CNTN1: variants seen among roughly 807,000 people sequenced by gnomAD.
CNTN1 encodes the protein contactin-1.
A neutral mutation model predicts 126.4 loss-of-function variants in CNTN1; 38 were observed. That is an observed-to-expected ratio of 0.30 (90% confidence interval 0.23 to 0.39). CNTN1 has a LOEUF of 0.39. Ranked by LOEUF, CNTN1 falls within the 10% of genes least tolerant of loss-of-function variation. The pLI is 1.00. For missense variants in CNTN1, 1,009 were observed against 1,248.4 expected, an observed-to-expected ratio of 0.81 and a Z score of 2.89; for synonymous variants, 413 against 422.6, an observed-to-expected ratio of 0.98 and a Z score of 0.28.
intron 1 of CNTN1, among the ~76,000 whole-genome samples, chr12:40,732,867 C>T (rs1942533810): frequency 6.6e-6 from 1 of 152,054 alleles, no homozygotes; most frequent in Admixed American, 6.6e-5. Context: ...ATTTTGCCTA[C>T]ATAATATTAA....
chr12:40,737,055 A>G (rs1014453086), intron 1 of CNTN1, among the ~76,000 whole-genome samples: 37 of 152,132 alleles, frequency 2.4e-4, no homozygotes, highest in South Asian at 1.0e-3. Context: ...ACCAATTGCT[A>G]AAGAAAAAAA....
At chr12:41,032,129 A>G (rs527902323) in intron 23 of CNTN1, among the ~76,000 whole-genome samples, 1 of 152,310 alleles carries the variant, frequency 6.6e-6, no homozygotes, top group South Asian at 2.1e-4. Flanking sequence ...ATATTTCCAC[A>G]TCTCTGCCTG....
At chr12:40,816,407 A>AT (rs916126666) in intron 1 of CNTN1, among the ~76,000 whole-genome samples, 9 of 151,906 alleles carry the variant, frequency 5.9e-5, no homozygotes, top group Admixed American at 5.2e-4. Context: ...GAATTTATCC[A>AT]TTTTTTCTAG....
rs184239968 is a variant in CNTN1 at position 41,051,014 on chromosome 12, T to G, written c.2981-18945T>G. On this transcript the variant is annotated intron_variant, in intron 23 of 23. Transcript: ENST00000551295. The stretch of plus-strand genomic sequence containing the variant: ...ACTTTCACTTAGTTGGAGGCCATGT[T>G]GGCCCTATTGAGAATGCATGCTCGG... Among the ~76,000 whole-genome samples the G allele has an allele frequency of 3.4e-3, 517 of 152,298 alleles. 2 individuals carry two copies. Among genetic ancestry groups the G allele is most frequent in the African/African-American group, 0.012 (481 of 41,554 alleles).
intron 1 of CNTN1, among the ~76,000 whole-genome samples, chr12:40,820,088 G>A (rs1174531426): frequency 6.6e-6 from 1 of 152,206 alleles, no homozygotes; most frequent in East Asian, 1.9e-4. Flanking sequence ...ACTAGCAGCT[G>A]CATCTGGTAA....
At chr12:41,009,026 C>T (rs975217753) in intron 17 of CNTN1, among the ~76,000 whole-genome samples, 3 of 152,198 alleles carry the variant, frequency 2.0e-5, no homozygotes, top group Non-Finnish European at 2.9e-5. Context: ...TTCAGAGTGA[C>T]TACTGCATAT....
chr12:41,063,455 C>T (rs941269957), intron 23 of CNTN1, among the ~76,000 whole-genome samples: 1 of 152,188 alleles, frequency 6.6e-6, no homozygotes, highest in Non-Finnish European at 1.5e-5. Flanking sequence ...TACTGATTAT[C>T]CTCTGTTGCT....
intron 23 of CNTN1, among the ~76,000 whole-genome samples, chr12:41,055,522 T>C (rs1949784880): frequency 6.6e-6 from 1 of 152,136 alleles, no homozygotes; most frequent in African/African-American, 2.4e-5. Context: ...TACCACACCG[T>C]ACTACAGTTG....
intron 9 of CNTN1, among the ~76,000 whole-genome samples, chr12:40,934,513 A>G (rs1267397540): frequency 2.6e-5 from 4 of 150,944 alleles, no homozygotes; most frequent in African/African-American, 9.8e-5. Context: ...GGGAAGACAG[A>G]TTTTTTTTCA....
chr12:40,737,986 A>G (rs1030260529), intron 1 of CNTN1, among the ~76,000 whole-genome samples: 1 of 152,058 alleles, frequency 6.6e-6, no homozygotes, highest in African/African-American at 2.4e-5. Context: ...AGAAAAATCA[A>G]ATATTTAAAT....
At chr12:40,707,029 T>C (rs1436836093) in intron 1 of CNTN1, among the ~76,000 whole-genome samples, 2 of 142,534 alleles carry the variant, frequency 1.4e-5, no homozygotes, top group Non-Finnish European at 3.1e-5. Context: ...TATAAAGACG[T>C]GCGCGCGCGC....
intron 14 of CNTN1, among the ~76,000 whole-genome samples, chr12:40,944,422 C>T (rs1434425133): frequency 1.3e-5 from 2 of 151,812 alleles, no homozygotes; most frequent in Non-Finnish European, 2.9e-5. Flanking sequence ...TATGATTTCC[C>T]CCTTAATTTT....
At chr12:40,876,497 T>C (rs774954615) in intron 1 of CNTN1, among the ~76,000 whole-genome samples, 68 of 152,102 alleles carry the variant, frequency 4.5e-4, no homozygotes, top group Non-Finnish European at 2.8e-4. Context: ...ATGTTTCTTA[T>C]TTATTGGAAA....
At chr12:40,999,727 G>T (rs2120581530) in intron 17 of CNTN1, among the ~76,000 whole-genome samples, 1 of 113,876 alleles carries the variant, frequency 8.8e-6, no homozygotes, top group East Asian at 2.5e-4. Flanking sequence ...TTTTGAGACA[G>T]CATCTTGCTC....
rs76529589 is a variant in CNTN1, at chr12:40,846,857, A to ATT, written c.-76-61492_-76-61491dup. Among the ~76,000 whole-genome samples the ATT allele has an allele frequency of 1.0e-4, 15 of 149,540 alleles. 1 individual carries two copies. Among genetic ancestry groups the ATT allele is most frequent in the African/African-American group, 3.7e-4 (15 of 40,404 alleles). ...CAGAAACATGCTACCATGCCCAGTTATTTTTTTTTATTATTTTTATTTTTT... is the reference window on the plus strand; with the variant it reads ...CAGAAACATGCTACCATGCCCAGTTATTTTTTTTTTTATTATTTTTATTTTTT... On this transcript the variant is annotated intron_variant, in intron 1 of 23. Transcript: ENST00000551295.
At chr12:41,034,818 A>T (rs533307912) in intron 23 of CNTN1, among the ~76,000 whole-genome samples, 11 of 152,356 alleles carry the variant, frequency 7.2e-5, no homozygotes, top group Non-Finnish European at 1.3e-4. Flanking sequence ...TTTGTAACAA[A>T]CATGAAGTTG....
chr12:40,878,736 G>A (rs1305962547), intron 1 of CNTN1, among the ~76,000 whole-genome samples: 4 of 152,014 alleles, frequency 2.6e-5, no homozygotes, highest in African/African-American at 9.7e-5. Flanking sequence ...CCGAAATAGG[G>A]GCCTACTAGA....
At chr12:40,735,997 A>G (rs1937661444) in intron 1 of CNTN1, among the ~76,000 whole-genome samples, 1 of 152,044 alleles carries the variant, frequency 6.6e-6, no homozygotes, top group Non-Finnish European at 1.5e-5. Context: ...GCAGAGGAGA[A>G]AACATCTATT....
intron 1 of CNTN1, among the ~76,000 whole-genome samples, chr12:40,830,831 A>G (rs1384477422): frequency 6.1e-5 from 6 of 99,028 alleles, no homozygotes; most frequent in Admixed American, 1.2e-4. Context: ...ATATATATAT[A>G]TATACTCTTT....
Sources: gnomAD v4.1 joint callset for allele counts (sites outside exome capture counted in the v4.1 genomes callset) on GRCh38, gnomAD v4.1.1 for gene constraint, MANE v1.5 for transcripts, NCBI Gene and HGNC (gene_info 2026-07-23, HGNC 2026-07-21) for gene names.